Variants in DLG2 observed in about 807,000 individuals in gnomAD.
DLG2 encodes disks large homolog 2.
In DLG2, 45 loss-of-function variants were observed where a neutral mutation model predicts 132.5. The ratio of observed to expected loss-of-function variants is 0.34; its 90% CI spans 0.27 to 0.44. DLG2 has a LOEUF of 0.44. DLG2 is among the 20% of genes least tolerant of loss of function. The probability of loss-of-function intolerance (pLI) is 1.00; values close to 1 mark genes in which losing one functional copy is unlikely to be tolerated. For synonymous variants in DLG2, 424 were observed against 419.6 expected (o/e 1.01, Z -0.13); for missense variants, 1,045 against 1,196.9 (o/e 0.87, Z 1.87).
At chr11:85,409,009 A>AATT (rs965792625) in intron 3 of DLG2, among the ~76,000 whole-genome samples, 2 of 151,832 alleles carry the variant, frequency 1.3e-5, no homozygotes, top group Admixed American at 6.6e-5. Context: ...GAGGAGAAGG[A>AATT]ATTATTATTA....
At chr11:84,892,739 C>A (rs12290883) in intron 6 of DLG2, among the ~76,000 whole-genome samples, 14,665 of 151,944 alleles carry the variant, frequency 0.097, 938 homozygotes, top group African/African-American at 0.18. Context: ...TCTGTGATAT[C>A]CGTTTTCTGG....
intron 6 of DLG2, among the ~76,000 whole-genome samples, chr11:84,724,071 G>C (rs1186376911): frequency 6.6e-6 from 1 of 152,018 alleles, no homozygotes; most frequent in Non-Finnish European, 1.5e-5. Flanking sequence ...TTTTAAAAAA[G>C]GGGTTGTTCA....
chr11:84,660,414 T>C (rs2099693281), intron 6 of DLG2, among the ~76,000 whole-genome samples: 1 of 152,184 alleles, frequency 6.6e-6, no homozygotes, highest in Non-Finnish European at 1.5e-5. Context: ...AAACATGTGC[T>C]GTACTATGGT....
chr11:83,542,786 T>G (rs1469314778), intron 19 of DLG2, among the ~76,000 whole-genome samples: 3 of 152,060 alleles, frequency 2.0e-5, no homozygotes, highest in Non-Finnish European at 4.4e-5. Flanking sequence ...CTGCTGTATA[T>G]CCCATTTTCA....
chr11:84,260,591 C>G (rs555751483), intron 7 of DLG2, among the ~76,000 whole-genome samples: 2 of 152,270 alleles, frequency 1.3e-5, no homozygotes, highest in Non-Finnish European at 2.9e-5. Flanking sequence ...AACCAACTAC[C>G]TACTGTGTGC....
intron 3 of DLG2, among the ~76,000 whole-genome samples, chr11:85,397,513 T>A: frequency 6.6e-6 from 1 of 152,266 alleles, no homozygotes; most frequent in South Asian, 2.1e-4. Flanking sequence ...GCACCATTGG[T>A]ATGCTGTATT....
chr11:84,449,360 A>G (rs1414628370), intron 7 of DLG2, among the ~76,000 whole-genome samples: 1 of 151,900 alleles, frequency 6.6e-6, no homozygotes, highest in African/African-American at 2.4e-5. Context: ...GAAATCTTCA[A>G]TGCCAATATC....
intron 5 of DLG2, among the ~76,000 whole-genome samples, chr11:85,135,499 A>G (rs576421364): frequency 1.3e-5 from 2 of 152,332 alleles, no homozygotes; most frequent in Non-Finnish European, 2.9e-5. Context: ...AGACACTTAG[A>G]GAAAAATTAG....
chr11:85,436,131 C>T (rs1048808034), intron 3 of DLG2, among the ~76,000 whole-genome samples: 4 of 152,144 alleles, frequency 2.6e-5, no homozygotes, highest in African/African-American at 9.7e-5. Context: ...AAACTGGACC[C>T]TTCCTTACAT....
In DLG2 at chr11:84,251,769, T is replaced by A. The variant is rs902344458; in HGVS notation, c.520-478A>T. 2.8e-4 allele frequency among the ~76,000 whole-genome samples: 42 copies of A among 151,316 alleles called. 1 individual carries two copies. The highest frequency in any genetic ancestry group is 1.0e-3 in the African/African-American group (41 of 41,186). On this transcript the variant is annotated intron_variant, in intron 7 of 27. Transcript: ENST00000376104. ...AATTCTCCTGCCTCAGCCTCCCAAGTAGCTACGACTACAGGCACACACCGC... is the reference window on the plus strand; with the variant it reads ...AATTCTCCTGCCTCAGCCTCCCAAGAAGCTACGACTACAGGCACACACCGC...
intron 18 of DLG2, among the ~76,000 whole-genome samples, chr11:83,732,394 A>ACCC (rs1303559897): frequency 6.6e-6 from 1 of 152,196 alleles, no homozygotes; most frequent in Non-Finnish European, 1.5e-5. Flanking sequence ...CTTAATACCT[A>ACCC]CCAAGGTAGC....
rs117936033 is a variant in DLG2 at position 85,189,476 on chromosome 11, G to A, written c.187-34825C>T. Among the ~76,000 whole-genome samples, 3 of 152,274 alleles carry A rather than the reference G, an allele frequency of 2.0e-5. No homozygotes were observed. The East Asian group carries it at 5.8e-4, about 29-fold the overall frequency. The stretch of plus-strand genomic sequence containing the variant: ...ATGTATCTCAATGGCATTATGCTGA[G>A]TGAAAGAAGCTAGTCTCAAAAGATT... On this transcript the variant is annotated intron_variant, in intron 4 of 27. Coordinates refer to ENST00000376104, the MANE Select transcript of DLG2 (RefSeq NM_001142699.3).
chr11:85,559,812 G>A (rs1252191426), intron 3 of DLG2, among the ~76,000 whole-genome samples: 2 of 122,434 alleles, frequency 1.6e-5, no homozygotes. Flanking sequence ...TGATTAGTTA[G>A]ATGATTGATA....
intron 11 of DLG2, among the ~76,000 whole-genome samples, chr11:84,014,036 C>T (rs2095040889): frequency 6.6e-6 from 1 of 152,104 alleles, no homozygotes; most frequent in Admixed American, 6.6e-5. Context: ...GAGTTGTACA[C>T]TTACCAAATA....
intron 6 of DLG2, among the ~76,000 whole-genome samples, chr11:84,736,152 CTAT>C (rs1565824403): frequency 6.6e-6 from 1 of 151,862 alleles, no homozygotes; most frequent in Non-Finnish European, 1.5e-5. Context: ...GTTGAAATGA[CTAT>C]CCTTTTTCCA....
chr11:85,253,931 A>G (rs563018370), intron 4 of DLG2, among the ~76,000 whole-genome samples: 4 of 152,282 alleles, frequency 2.6e-5, no homozygotes, highest in Non-Finnish European at 5.9e-5. Flanking sequence ...CTCTGAAGTC[A>G]AGCCACTTCT....
At chr11:84,561,213 C>G (rs1355152447) in intron 6 of DLG2, among the ~76,000 whole-genome samples, 1 of 152,020 alleles carries the variant, frequency 6.6e-6, no homozygotes, top group African/African-American at 2.4e-5. Flanking sequence ...TATGCTAACT[C>G]TTTTGCATTA....
intron 3 of DLG2, among the ~76,000 whole-genome samples, chr11:85,424,807 G>C: frequency 6.6e-6 from 1 of 151,994 alleles, no homozygotes; most frequent in East Asian, 1.9e-4. Context: ...GGATACAAGG[G>C]AAAAACAGCC....
At chr11:84,751,124 T>A (rs562670714) in intron 6 of DLG2, among the ~76,000 whole-genome samples, 1 of 152,280 alleles carries the variant, frequency 6.6e-6, no homozygotes, top group East Asian at 1.9e-4. Flanking sequence ...AAATACATGT[T>A]CGACTCTTAT....
Sources: gnomAD v4.1 joint callset for allele counts (sites outside exome capture counted in the v4.1 genomes callset) on GRCh38, gnomAD v4.1.1 for gene constraint, MANE v1.5 for transcripts, NCBI Gene and HGNC (gene_info 2026-07-23, HGNC 2026-07-21) for gene names.